Variants in SYN2 observed in about 807,000 individuals in gnomAD.
SYN2 encodes synapsin-2.
In SYN2, 19 loss-of-function variants were observed where a neutral mutation model predicts 50.9. That is an observed-to-expected ratio of 0.37 (90% CI 0.26 to 0.55). SYN2 has a LOEUF of 0.55. Ranked by LOEUF, SYN2 falls within the 20% of genes least tolerant of loss-of-function variation. SYN2 has a pLI of 0.81. For missense variants in SYN2, 587 were observed against 576.4 expected, an observed-to-expected ratio of 1.02 and a Z score of -0.19; for synonymous variants, 255 against 224.9, an observed-to-expected ratio of 1.13 and a Z score of -1.20.
At chr3:12,143,368 G>T (rs910691387) in intron 3 of SYN2, among the ~76,000 whole-genome samples, 11 of 152,076 alleles carry the variant, frequency 7.2e-5, no homozygotes, top group Non-Finnish European at 1.0e-4. Flanking sequence ...GAAGTTTGGG[G>T]TTCTAGTGTT....
intron 11 of SYN2, among the ~76,000 whole-genome samples, chr3:12,186,701 G>A (rs112939929): frequency 6.6e-6 from 1 of 152,184 alleles, no homozygotes; most frequent in Admixed American, 6.5e-5. Flanking sequence ...TCAGACCCAC[G>A]CAGGCTTGGA....
chr3:12,027,632 GA>G (rs1234236533), intron 1 of SYN2, among the ~76,000 whole-genome samples: 3 of 152,132 alleles, frequency 2.0e-5, no homozygotes, highest in Non-Finnish European at 4.4e-5. Context: ...TTATCTCATT[GA>G]ATCCTTATGT....
chr3:12,100,649 C>T (rs1696052645), intron 1 of SYN2, among the ~76,000 whole-genome samples: 1 of 152,006 alleles, frequency 6.6e-6, no homozygotes, highest in Non-Finnish European at 1.5e-5. Context: ...AAATTATGTT[C>T]TTCATGGGAT....
At chr3:12,162,966 C>G (rs1615689) in intron 7 of SYN2, among the ~76,000 whole-genome samples, 1 of 152,128 alleles carries the variant, frequency 6.6e-6, no homozygotes, top group Non-Finnish European at 1.5e-5. Context: ...GTGGGCCAGG[C>G]GCGGTGGCTC....
chr3:12,153,204 G>A, intron 5 of SYN2: 1 of 450,922 alleles, frequency 2.2e-6, no homozygotes, highest in Non-Finnish European at 4.1e-6. Context: ...TTAAGACAAA[G>A]GAAAACACAT....
intron 5 of SYN2, 36 bp downstream of exon 5, chr3:12,151,362 G>A: frequency 6.4e-7 from 1 of 1,565,002 alleles, no homozygotes; most frequent in Non-Finnish European, 8.8e-7. Flanking sequence ...TCTTTCTGCT[G>A]TTTTCATTTT....
chr3:12,053,626 G>A (rs1371459157), intron 1 of SYN2, among the ~76,000 whole-genome samples: 3 of 150,982 alleles, frequency 2.0e-5, no homozygotes, highest in Non-Finnish European at 4.4e-5. Flanking sequence ...TGCAGAGCTA[G>A]GTGGCATACT....
chr3:12,147,469 A>G (rs1440161471), intron 4 of SYN2, among the ~76,000 whole-genome samples: 1 of 152,088 alleles, frequency 6.6e-6, no homozygotes, highest in Non-Finnish European at 1.5e-5. Flanking sequence ...CTGCAGAAAC[A>G]CGCTAACAGA....
At position 12,162,191 on chromosome 3, in the gene SYN2, G is replaced by A. The variant is rs781093857; in HGVS notation, c.980+37G>A. 7.5e-6 allele frequency: 12 copies of A among 1,604,018 alleles called. No homozygotes were observed. In the East Asian group the frequency reaches 2.7e-4, roughly 36 times the overall value. ...TGGGGTATGTTTTCTCCTCAGTGATGATGGAAAAGCTGAGCCTCCACATTG... is the reference window on the plus strand; with the variant it reads ...TGGGGTATGTTTTCTCCTCAGTGATAATGGAAAAGCTGAGCCTCCACATTG... On this transcript the variant is annotated intron_variant, in intron 7 of 12. Coordinates refer to ENST00000621198, the MANE Select transcript of SYN2 (RefSeq NM_133625.6).
chr3:12,088,697 C>G (rs1372741707), intron 1 of SYN2, among the ~76,000 whole-genome samples: 1 of 152,146 alleles, frequency 6.6e-6, no homozygotes, highest in Admixed American at 6.5e-5. Flanking sequence ...CAATGGAATA[C>G]TATACAGCAT....
At chr3:12,178,908 G>T (rs1698153916) in intron 10 of SYN2, among the ~76,000 whole-genome samples, 1 of 152,228 alleles carries the variant, frequency 6.6e-6, no homozygotes, top group Non-Finnish European at 1.5e-5. Flanking sequence ...AGGAGAGCTG[G>T]ATCTTCTGGG....
chr3:12,174,158 G>A (rs1698004704), intron 10 of SYN2, among the ~76,000 whole-genome samples: 1 of 151,958 alleles, frequency 6.6e-6, no homozygotes, highest in Non-Finnish European at 1.5e-5. Flanking sequence ...CTTGGTCAAC[G>A]TACATTTGTT....
At chr3:12,009,476 A>G (rs908576959) in intron 1 of SYN2, among the ~76,000 whole-genome samples, 2 of 152,182 alleles carry the variant, frequency 1.3e-5, no homozygotes, top group African/African-American at 2.4e-5. Context: ...AACCTGAGGG[A>G]ACCTGAATCA....
chr3:12,139,421 G>C (rs1276262445), intron 1 of SYN2, among the ~76,000 whole-genome samples: 2 of 152,116 alleles, frequency 1.3e-5, no homozygotes, highest in African/African-American at 4.8e-5. Flanking sequence ...TAGATCACCA[G>C]GGGGAGACAG....
At chr3:12,142,827 A>G (rs1378724350) in intron 3 of SYN2, among the ~76,000 whole-genome samples, 1 of 152,192 alleles carries the variant, frequency 6.6e-6, no homozygotes, top group African/African-American at 2.4e-5. Context: ...CTCAATCTAC[A>G]GTAACCTGAC....
chr3:12,039,168 G>C (rs1694560353), intron 1 of SYN2, among the ~76,000 whole-genome samples: 4 of 152,004 alleles, frequency 2.6e-5, no homozygotes, highest in Admixed American at 2.6e-4. Flanking sequence ...CGATTATTTA[G>C]TTTCTTTTTT....
chr3:12,164,529 A>G (rs1202263810), intron 7 of SYN2, among the ~76,000 whole-genome samples: 1 of 152,088 alleles, frequency 6.6e-6, no homozygotes, highest in Non-Finnish European at 1.5e-5. Context: ...AGCCAAGATT[A>G]GGCTTGGGAT....
intron 1 of SYN2, among the ~76,000 whole-genome samples, chr3:12,034,132 A>G (rs537279298): frequency 6.6e-6 from 1 of 152,304 alleles, no homozygotes; most frequent in Admixed American, 6.5e-5. Context: ...TGGTTGCACT[A>G]TTTTATATTA....
chr3:12,023,637 A>G lies in SYN2; in HGVS notation c.377+18709A>G, dbSNP rs1694192894. Among the ~76,000 whole-genome samples, 3 of 152,204 alleles carry G rather than the reference A, an allele frequency of 2.0e-5. No individual in the cohort carries two copies. In the South Asian group the frequency reaches 6.2e-4, roughly 32 times the overall value. On this transcript the variant is annotated intron_variant, in intron 1 of 12. Transcript: ENST00000621198. ...ATCTGCTAAGGAGAACCTTGAATAC[A>G]AAGCTCACATATTTTTTCTTTATCT...
Sources: gnomAD v4.1 joint callset for allele counts (sites outside exome capture counted in the v4.1 genomes callset) on GRCh38, gnomAD v4.1.1 for gene constraint, MANE v1.5 for transcripts, NCBI Gene and HGNC (gene_info 2026-07-23, HGNC 2026-07-21) for gene names.